The following XPO6 variants were observed in gnomAD, a reference collection of about 807,000 sequenced individuals.
XPO6 encodes the protein exportin-6.
Under a neutral mutation model 130.0 loss-of-function variants are expected in XPO6, and 3 were observed. The ratio of observed to expected loss-of-function variants is 0.02; its 90% CI spans 0.01 to 0.06. The LOEUF is 0.06. Among genes scored for constraint, XPO6 ranks in the 10% least tolerant of loss-of-function variants. XPO6 has a pLI of 1.00. For missense variants in XPO6, 970 were observed against 1,393.0 expected (o/e 0.70, Z 4.83); for synonymous variants, 524 against 548.9 (o/e 0.95, Z 0.63).
chr16:28,106,279 AT>A lies in XPO6; in HGVS notation c.2613-66del, dbSNP rs2086778160. The A allele has an allele frequency of 8.7e-6, 14 of 1,607,760 alleles. No homozygotes were observed. The highest frequency in any genetic ancestry group is 1.7e-4 in the Middle Eastern group (1 of 6,040). The stretch of plus-strand genomic sequence containing the variant: ...TCTCTGGGGGCCAGCATGAAAACCC[AT>A]GCTGTGGCAAGTGCAGAACAGGAGC... On this transcript the variant is annotated intron_variant, in intron 19 of 23. Coordinates refer to ENST00000304658, the MANE Select transcript of XPO6 (RefSeq NM_015171.4). This position sits in a 1 kb window ranked among gnomAD's most constrained non-coding sequence, Gnocchi z 4.2.
intron 1 of XPO6, among the ~76,000 whole-genome samples, chr16:28,190,493 G>A (rs1399569526): frequency 6.6e-6 from 1 of 152,030 alleles, no homozygotes; most frequent in Non-Finnish European, 1.5e-5. Flanking sequence ...CAAAGTGCTG[G>A]GATTACAGGC....
intron 12 of XPO6, among the ~76,000 whole-genome samples, chr16:28,128,819 C>T (rs2042611008): frequency 6.6e-6 from 1 of 152,166 alleles, no homozygotes; most frequent in South Asian, 2.1e-4. Flanking sequence ...TGCTCATCAC[C>T]CCTGGCCCAC....
intron 1 of XPO6, among the ~76,000 whole-genome samples, chr16:28,202,769 C>T (rs867372376): frequency 6.6e-6 from 1 of 152,082 alleles, no homozygotes; most frequent in Non-Finnish European, 1.5e-5. Context: ...CATTGGTACA[C>T]GGGTCATAGC....
chr16:28,153,875 C>T (rs925965641), intron 7 of XPO6: 15 of 985,252 alleles, frequency 1.5e-5, no homozygotes, highest in Middle Eastern at 5.2e-4. Flanking sequence ...AAAACTGGCC[C>T]GGAAATAAAA....
rs1338538108 is a variant in XPO6 at position 28,152,712 on chromosome 16, G to C, written c.1171C>G (p.Gln391Glu). Reference protein sequence around the residue: ...VHLRRIESYSQFPVVEFLTLL... With the variant: ...VHLRRIESYSEFPVVEFLTLL... ...GTCAAAAACTCCACCACAGGGAACT[G>C]GGAGTAAGACTCGATTCTTCTTAGG... The change falls in exon 8 of 24, where the codon CAG becomes GAG. Residue 391 changes from glutamine to glutamate, a missense_variant. Physicochemically the swap from Gln to Glu is conservative, Grantham distance 29. Around this residue, in one of 4 missense-constraint regions of XPO6, gnomAD observed 936 missense variants for 1,306.8 expected, o/e 0.72. Transcript: ENST00000304658. 9 of 1,613,332 alleles carry C rather than the reference G, an allele frequency of 5.6e-6. No individual in the cohort carries two copies. The highest frequency in any genetic ancestry group is 7.6e-6 in the Non-Finnish European group (9 of 1,179,780).
In XPO6 at chr16:28,197,174, T is replaced by C. The variant is rs376708761; in HGVS notation, c.3+14192A>G. On this transcript the variant is annotated intron_variant, in intron 1 of 23. Transcript: ENST00000304658. ...GGCTGAGGCAGGAGAATCACTTAAA[T>C]CCGGGAGACAGAGGTTGCAGTGAGC... Among the ~76,000 whole-genome samples, 7 of 151,804 alleles carry C rather than the reference T, an allele frequency of 4.6e-5. No homozygotes were observed. In the East Asian group the frequency reaches 1.2e-3, roughly 25 times the overall value.
Position 28,153,793 on chromosome 16 carries a change from C to G in XPO6, c.1098-1008G>C, listed in dbSNP as rs2043136754. 3 of 985,244 alleles carry G rather than the reference C, an allele frequency of 3.0e-6. No individual in the cohort carries two copies. The African/African-American group carries it at 5.2e-5, about 17-fold the overall frequency. 61.0% of individuals were successfully genotyped at this position (985,244 alleles called of 1,614,324 possible). A position where few individuals can be genotyped will look rare whatever the true frequency, so the allele number is the denominator to read the frequency against. On this transcript the variant is annotated intron_variant, in intron 7 of 23. Coordinates refer to ENST00000304658, the MANE Select transcript of XPO6 (RefSeq NM_015171.4). ...CTAAAAGCAATTCTGAAGCTCATTA[C>G]TGCAAAAGCTATTTTTCAAAACAGA...
Position 28,156,093 on chromosome 16 carries a change from G to C in XPO6, c.1078C>G (p.Leu360Val). The C allele has an allele frequency of 6.2e-7, 1 of 1,608,920 alleles. No individual in the cohort carries two copies. The highest frequency in any genetic ancestry group is 8.5e-7 in the Non-Finnish European group (1 of 1,176,948). The change falls in exon 7 of 24, where the codon CTA becomes GTA. Residue 360 changes from leucine (L) to valine (V), a missense_variant. Transcript: ENST00000304658. ...DNNAHTVKSR[L>V]EELDESYIEK... is the part of the protein sequence containing the mutation. ...CATTACCTCTCATCGAGCTCTTCTA[G>C]CCTGCTCTTCACTGTGTGGGCATTG...
At chr16:28,120,186 A>C (rs446375) in intron 14 of XPO6, among the ~76,000 whole-genome samples, 13,811 of 151,632 alleles carry the variant, frequency 0.091, 1,428 homozygotes, top group East Asian at 0.35. Flanking sequence ...TAATAATAAT[A>C]ATCATCATCA....
intron 15 of XPO6, among the ~76,000 whole-genome samples, chr16:28,114,875 ATCCTCTGTTAT>A (rs1419364402): frequency 1.3e-5 from 2 of 152,150 alleles, no homozygotes; most frequent in Non-Finnish European, 2.9e-5. Context: ...TGTTATTCTA[ATCCTCTGTTAT>A]TTCAACAATG....
At chr16:28,119,189 T>C (rs1200986787) in intron 14 of XPO6, among the ~76,000 whole-genome samples, 3 of 151,760 alleles carry the variant, frequency 2.0e-5, no homozygotes, top group African/African-American at 7.3e-5. Flanking sequence ...CTATTTTTTT[T>C]TTTTTTTTTG....
At position 28,106,401 on chromosome 16, in the gene XPO6, A is replaced by G; in HGVS notation, c.2594T>C (p.Phe865Ser). Reference protein sequence around the residue: ...VPFTEQIIQTFLNMFTREQLA... With the variant: ...VPFTEQIIQTSLNMFTREQLA... ...TGCTTACCTGGTAAACATGTTGAGG[A>G]AAGTCTGTATGATTTGCTCAGTGAA... The change falls in exon 19 of 24, where the codon TTC becomes TCC. Residue 865 changes from phenylalanine to serine, a missense_variant. Physicochemically the swap from Phe to Ser is radical, Grantham distance 155. This residue lies in a region of XPO6 where 936 missense variants were observed against 1,306.8 expected (regional missense o/e 0.72). Coordinates refer to ENST00000304658, the MANE Select transcript of XPO6 (RefSeq NM_015171.4). This position sits in a 1 kb window ranked among gnomAD's most constrained non-coding sequence, Gnocchi z 4.2. 2 of 1,614,154 alleles carry G rather than the reference A, an allele frequency of 1.2e-6. No homozygotes were observed. Among genetic ancestry groups the G allele is most frequent in the Non-Finnish European group, 1.7e-6 (2 of 1,179,998 alleles).
At chr16:28,186,202 T>C (rs1453984234) in intron 1 of XPO6, among the ~76,000 whole-genome samples, 7 of 152,016 alleles carry the variant, frequency 4.6e-5, no homozygotes, top group African/African-American at 1.7e-4. Context: ...TCTCACTCTT[T>C]TGCAGGTTTG....
chr16:28,116,476 C>T (rs999185042), intron 15 of XPO6, among the ~76,000 whole-genome samples: 1 of 137,906 alleles, frequency 7.3e-6, no homozygotes, highest in Non-Finnish European at 1.5e-5. Context: ...ACAACAAAAA[C>T]GACAAAAAAA....
At chr16:28,099,440 C>T (rs571687595) in intron 23 of XPO6, among the ~76,000 whole-genome samples, 4 of 152,342 alleles carry the variant, frequency 2.6e-5, no homozygotes, top group African/African-American at 9.6e-5. Flanking sequence ...CCAAAGTCTG[C>T]ACAGATGCCT....
chr16:28,105,138 A>G (rs1293832766), intron 20 of XPO6, among the ~76,000 whole-genome samples: 1 of 152,204 alleles, frequency 6.6e-6, no homozygotes, highest in Admixed American at 6.5e-5. Flanking sequence ...CTGTCCCACT[A>G]ACCTGTTGGT....
At chr16:28,120,623 T>C (rs1012987917) in intron 14 of XPO6, among the ~76,000 whole-genome samples, 2 of 152,214 alleles carry the variant, frequency 1.3e-5, no homozygotes, top group African/African-American at 4.8e-5. Context: ...GTTGTATTTA[T>C]AAGGAAACTG....
intron 14 of XPO6, among the ~76,000 whole-genome samples, chr16:28,121,315 G>A (rs1200348172): frequency 1.3e-5 from 2 of 152,178 alleles, no homozygotes; most frequent in Non-Finnish European, 2.9e-5. Context: ...AAGACTGATG[G>A]CATCTGAGGT....
intron 2 of XPO6, among the ~76,000 whole-genome samples, chr16:28,177,942 C>T (rs904187222): frequency 4.6e-5 from 7 of 152,154 alleles, no homozygotes; most frequent in Non-Finnish European, 8.8e-5. Context: ...ACGAGTGTTG[C>T]GGCGAGTAGC....
Sources: allele counts gnomAD v4.1 joint callset (sites outside exome capture counted in the v4.1 genomes callset), GRCh38; gene constraint gnomAD v4.1.1; regional missense constraint gnomAD v4.1.1; non-coding constraint Gnocchi (gnomAD v3.1); transcripts MANE v1.5; gene names NCBI Gene and HGNC (gene_info 2026-07-23, HGNC 2026-07-21).